SYT9: variants seen among roughly 807,000 people sequenced by gnomAD.
SYT9 encodes synaptotagmin-9.
Under a neutral mutation model 48.4 loss-of-function variants are expected in SYT9, and 22 were observed. The observed-to-expected ratio is 0.45, with a 90% CI of 0.32 to 0.65. The LOEUF (loss-of-function observed/expected upper bound fraction) is 0.65, where lower values mean the gene tolerates loss of function less well. Among genes scored for constraint, SYT9 ranks in the 30% least tolerant of loss-of-function variants. SYT9 has a pLI of 0.03. For missense variants in SYT9, 577 were observed against 622.0 expected, an observed-to-expected ratio of 0.93 and a Z score of 0.77; for synonymous variants, 265 against 245.0, an observed-to-expected ratio of 1.08 and a Z score of -0.76.
At chr11:7,346,410 G>A (rs969881502) in intron 3 of SYT9, among the ~76,000 whole-genome samples, 8 of 152,216 alleles carry the variant, frequency 5.3e-5, no homozygotes, top group African/African-American at 1.9e-4. Context: ...CAGAGTTGGC[G>A]GATTTGCTTT....
At chr11:7,336,949 A>G (rs1322049818) in intron 3 of SYT9, among the ~76,000 whole-genome samples, 1 of 152,094 alleles carries the variant, frequency 6.6e-6, no homozygotes, top group Non-Finnish European at 1.5e-5. Context: ...CAGTGTGGCC[A>G]TTGTAATATT....
In SYT9 at chr11:7,454,113, T is replaced by G. The variant is rs934271802; in HGVS notation, c.1468-12679T>G. The G allele has an allele frequency of 6.1e-6, 6 of 985,440 alleles. No homozygotes were observed. The African/African-American group carries it at 1.0e-4, about 17-fold the overall frequency. 61.0% of individuals were successfully genotyped at this position (985,440 alleles called of 1,614,324 possible). A position where few individuals can be genotyped will look rare whatever the true frequency, so the allele number is the denominator to read the frequency against. ...TGACATTGCTGCTCCCCAGTCACTT[T>G]TCTTTCCTTTCCTTGCTACCTACCT... On this transcript the variant is annotated intron_variant, in intron 6 of 6. Transcript: ENST00000318881.
intron 3 of SYT9, among the ~76,000 whole-genome samples, chr11:7,336,153 T>C (rs1021880658): frequency 1.3e-5 from 2 of 152,172 alleles, no homozygotes; most frequent in Admixed American, 6.5e-5. Flanking sequence ...GAAAAATGTC[T>C]ATTCATGTCC....
At chr11:7,401,266 C>T (rs1344832424) in intron 3 of SYT9, among the ~76,000 whole-genome samples, 1 of 151,292 alleles carries the variant, frequency 6.6e-6, no homozygotes, top group Non-Finnish European at 1.5e-5. Flanking sequence ...GAATTTCAGG[C>T]TTAGGCATTA....
In SYT9 at chr11:7,361,528, T is replaced by C. The variant is rs557629376; in HGVS notation, c.1044+47587T>C. On this transcript the variant is annotated intron_variant, in intron 3 of 6. Coordinates refer to ENST00000318881, the MANE Select transcript of SYT9 (RefSeq NM_175733.4). The stretch of plus-strand genomic sequence containing the variant: ...GTTGTTGAATTCATGGTTCCATATG[T>C]GTTCCCTAGATCAAACCCTTTTGTT... Among the ~76,000 whole-genome samples, 30 of 152,360 alleles carry C rather than the reference T, an allele frequency of 2.0e-4. No individual in the cohort carries two copies. The South Asian group carries it at 6.2e-3, about 32-fold the overall frequency.
At chr11:7,418,186 C>A in intron 5 of SYT9, 58 bp downstream of exon 5, 1 of 1,568,050 alleles carries the variant, frequency 6.4e-7, no homozygotes, top group Non-Finnish European at 8.6e-7. Flanking sequence ...ACTGGGAAGG[C>A]AGAGGGGGAG....
intron 2 of SYT9, among the ~76,000 whole-genome samples, chr11:7,303,798 G>A (rs56147512): frequency 1.3e-5 from 2 of 152,150 alleles, no homozygotes; most frequent in African/African-American, 4.8e-5. Flanking sequence ...AAGAATCTGA[G>A]CTCTTAACCA....
chr11:7,343,090 T>C (rs192156040), intron 3 of SYT9, among the ~76,000 whole-genome samples: 50 of 152,320 alleles, frequency 3.3e-4, no homozygotes, highest in Non-Finnish European at 4.6e-4. Flanking sequence ...ACCCATTTTT[T>C]ATCCTAGGCC....
At chr11:7,418,848 C>T (rs917471677) in intron 5 of SYT9, among the ~76,000 whole-genome samples, 1 of 152,208 alleles carries the variant, frequency 6.6e-6, no homozygotes, top group African/African-American at 2.4e-5. Flanking sequence ...TTAAACCAGT[C>T]ATTAGACTAA....
At chr11:7,449,938 C>T (rs1444386964) in intron 6 of SYT9, among the ~76,000 whole-genome samples, 1 of 152,128 alleles carries the variant, frequency 6.6e-6, no homozygotes, top group African/African-American at 2.4e-5. Context: ...CCCCTGTGCC[C>T]AGCTAACTTC....
intron 3 of SYT9, among the ~76,000 whole-genome samples, chr11:7,382,024 A>G (rs933711073): frequency 1.4e-4 from 22 of 152,116 alleles, no homozygotes; most frequent in Non-Finnish European, 3.1e-4. Context: ...TTTTGTGGGC[A>G]CTCACCTGTG....
chr11:7,341,898 G>A (rs1849719959), intron 3 of SYT9, among the ~76,000 whole-genome samples: 1 of 152,148 alleles, frequency 6.6e-6, no homozygotes, highest in South Asian at 2.1e-4. Flanking sequence ...GTTCCACGTG[G>A]TTGGCAAGAC....
rs75522449 is a variant in SYT9 at position 7,355,655 on chromosome 11, T to C, written c.1044+41714T>C. 8.0e-3 allele frequency among the ~76,000 whole-genome samples: 1,214 copies of C among 152,328 alleles called. 7 individuals carry two copies. Among genetic ancestry groups the C allele is most frequent in the South Asian group, 0.043 (208 of 4,824 alleles). ...GCTACTGTCCTTGAGACATCACTTA[T>C]ATGCTATTGCGAAGTGAAAGAGAAG... On this transcript the variant is annotated intron_variant, in intron 3 of 6. Coordinates refer to ENST00000318881, the MANE Select transcript of SYT9 (RefSeq NM_175733.4).
intron 3 of SYT9, among the ~76,000 whole-genome samples, chr11:7,397,637 A>G (rs1008563073): frequency 2.0e-5 from 3 of 152,142 alleles, no homozygotes; most frequent in African/African-American, 4.8e-5. Flanking sequence ...TATGTTGAGT[A>G]TCCCAATCCA....
chr11:7,254,953 A>G (rs1847940198), intron 1 of SYT9, among the ~76,000 whole-genome samples: 1 of 152,114 alleles, frequency 6.6e-6, no homozygotes, highest in East Asian at 1.9e-4. Flanking sequence ...TTGGGGGAGT[A>G]CCGCACCCAG....
chr11:7,249,037 C>G (rs1191070721), upstream of SYT9, among the ~76,000 whole-genome samples: 1 of 152,166 alleles, frequency 6.6e-6, no homozygotes, highest in Non-Finnish European at 1.5e-5. Flanking sequence ...CAAATACTTA[C>G]AGCCAGCTGG....
At chr11:7,410,045 CT>C (rs1357691455) in intron 3 of SYT9, among the ~76,000 whole-genome samples, 1 of 152,064 alleles carries the variant, frequency 6.6e-6, no homozygotes, top group African/African-American at 2.4e-5. Flanking sequence ...TGGCACATGT[CT>C]TATTTACATT....
intron 3 of SYT9, among the ~76,000 whole-genome samples, chr11:7,373,760 G>C (rs1432949714): frequency 6.6e-6 from 1 of 152,050 alleles, no homozygotes; most frequent in Non-Finnish European, 1.5e-5. Flanking sequence ...CAGATGTTTG[G>C]AAGCACCTGG....
At chr11:7,442,968 G>C (rs936827531) in intron 6 of SYT9, among the ~76,000 whole-genome samples, 4 of 152,078 alleles carry the variant, frequency 2.6e-5, no homozygotes, top group African/African-American at 9.7e-5. Flanking sequence ...TGAGGAAAAT[G>C]AGAGAGAGGG....
Sources: gnomAD v4.1 joint callset for allele counts (sites outside exome capture counted in the v4.1 genomes callset) on GRCh38, gnomAD v4.1.1 for gene constraint, MANE v1.5 for transcripts, NCBI Gene and HGNC (gene_info 2026-07-23, HGNC 2026-07-21) for gene names.